The following THRB variants were observed in gnomAD, a reference collection of about 807,000 sequenced individuals.
THRB encodes nuclear receptor subfamily 1 group A member 2.
Under a neutral mutation model 47.8 loss-of-function variants are expected in THRB, and 12 were observed. That is an observed-to-expected ratio of 0.25 (90% CI 0.16 to 0.41). The LOEUF is 0.41. Ranked by LOEUF, THRB falls within the 10% of genes least tolerant of loss-of-function variation. THRB has a pLI of 1.00. For missense variants in THRB, 348 were observed against 589.2 expected, an observed-to-expected ratio of 0.59 and a Z score of 4.24; for synonymous variants, 218 against 212.2, an observed-to-expected ratio of 1.03 and a Z score of -0.24.
At chr3:24,163,061 G>A (rs1475447925) in intron 5 of THRB, among the ~76,000 whole-genome samples, 1 of 152,084 alleles carries the variant, frequency 6.6e-6, no homozygotes, top group Non-Finnish European at 1.5e-5. Flanking sequence ...ACCTGTTTAT[G>A]GTCTTAATTT....
chr3:24,348,241 C>T lies in THRB; in HGVS notation c.-260-10870G>A, dbSNP rs189397255. ...AATGAAAAGCATCTGGTCCTTTAAACGGATGCATTGATCTATTCATGATAA... is the reference window on the plus strand; with the variant it reads ...AATGAAAAGCATCTGGTCCTTTAAATGGATGCATTGATCTATTCATGATAA... On this transcript the variant is annotated intron_variant, in intron 1 of 10. Coordinates refer to ENST00000646209, the MANE Select transcript of THRB (RefSeq NM_001354712.2). Among the ~76,000 whole-genome samples, 121 of 152,164 alleles carry T rather than the reference C, an allele frequency of 8.0e-4. 1 individual carries two copies. Among genetic ancestry groups the T allele is most frequent in the Non-Finnish European group, 1.5e-3 (102 of 67,972 alleles).
chr3:24,229,236 A>G (rs1362826947), intron 3 of THRB, among the ~76,000 whole-genome samples: 1 of 152,186 alleles, frequency 6.6e-6, no homozygotes, highest in Non-Finnish European at 1.5e-5. Context: ...TAAATTTTTT[A>G]TCAAGCGCAC....
intron 1 of THRB, among the ~76,000 whole-genome samples, chr3:24,349,274 T>C (rs1383774986): frequency 1.3e-5 from 2 of 152,062 alleles, no homozygotes; most frequent in Non-Finnish European, 2.9e-5. Flanking sequence ...CTCCCTAAAT[T>C]AGTATATAGA....
intron 1 of THRB, among the ~76,000 whole-genome samples, chr3:24,356,886 C>T (rs1331583964): frequency 1.3e-5 from 2 of 152,068 alleles, no homozygotes; most frequent in Admixed American, 6.6e-5. Context: ...TGTCAGACTC[C>T]CTTACACCAA....
chr3:24,376,528 C>T (rs1157283212), intron 1 of THRB, among the ~76,000 whole-genome samples: 1 of 152,118 alleles, frequency 6.6e-6, no homozygotes, highest in Admixed American at 6.6e-5. Context: ...CTACCCCAAA[C>T]AGCTATTCTG....
intron 4 of THRB, among the ~76,000 whole-genome samples, chr3:24,209,508 A>G (rs1032150833): frequency 6.6e-6 from 1 of 152,278 alleles, no homozygotes; most frequent in South Asian, 2.1e-4. Context: ...AAAAAAGGAT[A>G]AGTTCATGTC....
Position 24,125,573 on chromosome 3 carries a change from C to T in THRB, c.1144+1926G>A, listed in dbSNP as rs140438257. Among the ~76,000 whole-genome samples, 620 of 152,288 alleles carry T rather than the reference C, an allele frequency of 4.1e-3. 4 individuals are homozygous for T. Among genetic ancestry groups the T allele is most frequent in the African/African-American group, 0.014 (589 of 41,552 alleles). On this transcript the variant is annotated intron_variant, in intron 10 of 10. Coordinates refer to ENST00000646209, the MANE Select transcript of THRB (RefSeq NM_001354712.2). ...AAGCTAGGGGTCACCCAAAGTCACACAAGGAGTCCTTGGATAAGCTATAAA... is the reference window on the plus strand; with the variant it reads ...AAGCTAGGGGTCACCCAAAGTCACATAAGGAGTCCTTGGATAAGCTATAAA...
At chr3:24,367,506 A>C (rs1022238933) in intron 1 of THRB, among the ~76,000 whole-genome samples, 1 of 152,184 alleles carries the variant, frequency 6.6e-6, no homozygotes, top group Admixed American at 6.5e-5. Flanking sequence ...TGCACAGTCT[A>C]GTAAGCTAGC....
At chr3:24,272,301 G>A (rs566489524) in intron 3 of THRB, among the ~76,000 whole-genome samples, 11 of 151,924 alleles carry the variant, frequency 7.2e-5, no homozygotes, top group East Asian at 5.8e-4. Flanking sequence ...AGTAGTGATC[G>A]CACCACTGCA....
At chr3:24,457,086 A>G (rs1310590001) in intron 1 of THRB, among the ~76,000 whole-genome samples, 7 of 152,226 alleles carry the variant, frequency 4.6e-5, no homozygotes, top group Non-Finnish European at 8.8e-5. Context: ...ATTAATTCAC[A>G]GAAACTTGAT....
At chr3:24,398,995 G>A (rs1175550481) in intron 1 of THRB, among the ~76,000 whole-genome samples, 3 of 151,350 alleles carry the variant, frequency 2.0e-5, no homozygotes, top group Non-Finnish European at 2.9e-5. Context: ...ACCAAACACC[G>A]TATGTTCTCA....
At chr3:24,143,742 A>ATGC (rs774724072) in intron 7 of THRB, 36 bp from the exon 8 acceptor site, 542 of 1,607,662 alleles carry the variant, frequency 3.4e-4, no homozygotes, top group Non-Finnish European at 3.7e-4. Flanking sequence ...AGGCACACAG[A>ATGC]TGCTCCCAAG....
chr3:24,193,323 G>A (rs548705124), intron 4 of THRB, among the ~76,000 whole-genome samples: 1 of 152,252 alleles, frequency 6.6e-6, no homozygotes, highest in South Asian at 2.1e-4. Flanking sequence ...CAACACTGAA[G>A]ACCAGGCTTT....
chr3:24,226,330 T>C (rs958304378), intron 4 of THRB, among the ~76,000 whole-genome samples: 4 of 152,238 alleles, frequency 2.6e-5, no homozygotes, highest in Admixed American at 6.5e-5. Context: ...TCTTAAAACA[T>C]GTACCCCTGA....
At chr3:24,294,556 T>C (rs925608455) in intron 3 of THRB, among the ~76,000 whole-genome samples, 2 of 152,188 alleles carry the variant, frequency 1.3e-5, no homozygotes, top group Non-Finnish European at 2.9e-5. Context: ...AAGACACATG[T>C]GACAAGACAC....
intron 5 of THRB, among the ~76,000 whole-genome samples, chr3:24,168,962 G>A (rs373619998): frequency 4.6e-5 from 7 of 152,244 alleles, no homozygotes; most frequent in African/African-American, 1.7e-4. Context: ...GACATCATCA[G>A]TGGAGGCCTA....
intron 4 of THRB, among the ~76,000 whole-genome samples, chr3:24,201,511 A>T (rs1381326018): frequency 6.6e-6 from 1 of 152,204 alleles, no homozygotes; most frequent in Non-Finnish European, 1.5e-5. Context: ...ACTCACATGC[A>T]CATTAATGTT....
intron 2 of THRB, among the ~76,000 whole-genome samples, chr3:24,325,191 G>A (rs999238157): frequency 3.9e-5 from 6 of 152,118 alleles, no homozygotes; most frequent in African/African-American, 1.2e-4. Flanking sequence ...AGATTTGCTG[G>A]GGGAGAAAGG....
At chr3:24,426,726 G>C (rs1359296605) in intron 1 of THRB, among the ~76,000 whole-genome samples, 1 of 151,852 alleles carries the variant, frequency 6.6e-6, no homozygotes, top group Non-Finnish European at 1.5e-5. Flanking sequence ...AAAATTTTTG[G>C]TCTTAACACT....
Sources: allele counts gnomAD v4.1 joint callset (sites outside exome capture counted in the v4.1 genomes callset), GRCh38; gene constraint gnomAD v4.1.1; transcripts MANE v1.5; gene names NCBI Gene and HGNC (gene_info 2026-07-23, HGNC 2026-07-21).